Variants in FBXL4 observed in about 807,000 individuals in gnomAD.
FBXL4 encodes F-box and leucine rich repeat protein 4, also known as F-box/LRR-repeat protein 4.
In FBXL4, 40 loss-of-function variants were observed where a neutral mutation model predicts 58.9. That is an observed-to-expected ratio of 0.68 (90% CI 0.53 to 0.88). The LOEUF (loss-of-function observed/expected upper bound fraction) is 0.88, where lower values mean the gene tolerates loss of function less well. Among genes scored for constraint, FBXL4 ranks in the 40% least tolerant of loss-of-function variants. FBXL4 has a pLI of 0.00. For missense variants in FBXL4, 676 were observed against 734.4 expected (o/e 0.92, Z 0.92); for synonymous variants, 263 against 265.5 (o/e 0.99, Z 0.09).
chr6:98,939,124 A>AGACAGGAG (rs1773336270), intron 1 of FBXL4, among the ~76,000 whole-genome samples: 1 of 151,346 alleles, frequency 6.6e-6, no homozygotes, highest in Admixed American at 6.6e-5. Flanking sequence ...GGAAAAGACA[A>AGACAGGAG]GACAGGAGGG....
intron 1 of FBXL4, among the ~76,000 whole-genome samples, chr6:98,943,955 T>C (rs1477629596): frequency 2.0e-5 from 3 of 152,222 alleles, no homozygotes; most frequent in Non-Finnish European, 4.4e-5. Context: ...TAACATACTT[T>C]GCTTACTAAT....
chr6:98,901,259 C>T (rs192850012), intron 6 of FBXL4, among the ~76,000 whole-genome samples: 1 of 151,942 alleles, frequency 6.6e-6, no homozygotes, highest in African/African-American at 2.4e-5. Context: ...CTGAAGGAAG[C>T]GAGAGGGTGA....
chr6:98,873,338 T>C lies in FBXL4; in HGVS notation c.*940A>G, dbSNP rs548981250. 7.4e-5 allele frequency: 11 copies of C among 147,962 alleles called. No individual in the cohort carries two copies. The South Asian group carries it at 2.3e-3, about 31-fold the overall frequency. The allele number at this position is 147,962 out of a possible 1,614,324, so 9.2% of individuals were successfully genotyped here. The stretch of plus-strand genomic sequence containing the variant: ...AAATCATAAATGTGGATATATATTA[T>C]CTATAATATGTATATATAATGTGTA... On this transcript the variant is annotated 3_prime_UTR_variant, in exon 10 of 10. Transcript: ENST00000369244.
At chr6:98,910,828 A>G (rs1470027595) in intron 5 of FBXL4, among the ~76,000 whole-genome samples, 2 of 152,180 alleles carry the variant, frequency 1.3e-5, no homozygotes, top group Non-Finnish European at 2.9e-5. Context: ...TAGTGGGCGC[A>G]GGACAGTGGG....
At position 98,899,462 on chromosome 6, in the gene FBXL4, AT is replaced by A; in HGVS notation, c.1122del (p.Ser375ProfsTer3). On this transcript the variant is annotated frameshift_variant, in exon 7 of 10. Transcript: ENST00000369244. LOFTEE classifies it high-confidence loss of function. ...AGFSRFLKVC[G>X]SELVRLELSC... ...GACAATTCAAGGCGTACTAATTCGGATCCACAAACCTTCAGAAACCTGCCAA... is the reference window on the plus strand; with the variant it reads ...GACAATTCAAGGCGTACTAATTCGGACCACAAACCTTCAGAAACCTGCCAA... The A allele has an allele frequency of 1.2e-6, 2 of 1,613,458 alleles. No homozygotes were observed. The highest frequency in any genetic ancestry group is 1.7e-6 in the Non-Finnish European group (2 of 1,179,612).
chr6:98,899,503 T>G (rs373797573), intron 6 of FBXL4, 22 bp from the exon 7 acceptor site: 1 of 1,600,156 alleles, frequency 6.2e-7, no homozygotes, highest in African/African-American at 1.3e-5. Flanking sequence ...ACATTCTATG[T>G]GAATTTTATA....
At chr6:98,922,501 A>G (rs1772621876) in intron 4 of FBXL4, among the ~76,000 whole-genome samples, 1 of 152,216 alleles carries the variant, frequency 6.6e-6, no homozygotes, top group African/African-American at 2.4e-5. Flanking sequence ...GGGTTCCCAA[A>G]CAGTAGTACA....
At chr6:98,891,648 G>T (rs1289665582) in intron 7 of FBXL4, among the ~76,000 whole-genome samples, 3 of 150,946 alleles carry the variant, frequency 2.0e-5, no homozygotes, top group African/African-American at 7.3e-5. Context: ...GCACTTGAAG[G>T]CTGAGGCAGG....
At chr6:98,927,173 A>C in intron 3 of FBXL4, 113 bp from the exon 4 acceptor site, 1 of 536,348 alleles carries the variant, frequency 1.9e-6, no homozygotes, top group Non-Finnish European at 3.2e-6. Flanking sequence ...ATGAAACTAA[A>C]AAAACAAGTT....
intron 2 of FBXL4, among the ~76,000 whole-genome samples, chr6:98,930,182 G>A (rs1459355580): frequency 6.6e-6 from 1 of 152,164 alleles, no homozygotes; most frequent in East Asian, 1.9e-4. Context: ...ACCAAATGGA[G>A]GGATTTGCAG....
At chr6:98,928,919 TCAGTAG>T (rs775767962) in intron 2 of FBXL4, among the ~76,000 whole-genome samples, 49 of 152,168 alleles carry the variant, frequency 3.2e-4, no homozygotes, top group Non-Finnish European at 5.1e-4. Context: ...TTTTTCCACA[TCAGTAG>T]CCTTACTTTC....
intron 7 of FBXL4, among the ~76,000 whole-genome samples, chr6:98,894,994 T>C (rs535300258): frequency 6.6e-6 from 1 of 152,316 alleles, no homozygotes; most frequent in South Asian, 2.1e-4. Context: ...TCTATTCTCC[T>C]GAGGTCTCAT....
intron 8 of FBXL4, among the ~76,000 whole-genome samples, chr6:98,879,653 C>T (rs879391985): frequency 1.3e-5 from 2 of 151,960 alleles, no homozygotes; most frequent in Non-Finnish European, 2.9e-5. Context: ...GAGGCCGAGG[C>T]GGGCGGATCA....
intron 5 of FBXL4, among the ~76,000 whole-genome samples, chr6:98,912,550 C>T (rs1360059156): frequency 1.3e-5 from 2 of 152,006 alleles, no homozygotes; most frequent in Non-Finnish European, 2.9e-5. Flanking sequence ...TAATTTTCAA[C>T]CCAAAATTTT....
chr6:98,917,227 A>T, intron 5 of FBXL4, 147 bp downstream of exon 5: 1 of 507,138 alleles, frequency 2.0e-6, no homozygotes, highest in Non-Finnish European at 3.2e-6. Context: ...GATTTTGTCT[A>T]GTTTTTCCAA....
Position 98,917,354 on chromosome 6 carries a change from G to A in FBXL4, c.858+20C>T, listed in dbSNP as rs1772398860. ...CTATAGTGTTATATCCAATACTGCT[G>A]CTAAATATTTTTGGCTTACCTCATA... On this transcript the variant is annotated intron_variant, in intron 5 of 9. Coordinates refer to ENST00000369244, the MANE Select transcript of FBXL4 (RefSeq NM_001278716.2). 1 of 1,532,178 alleles carries A rather than the reference G, an allele frequency of 6.5e-7. No individual in the cohort carries two copies. The highest frequency in any genetic ancestry group is 1.9e-5 in the Admixed American group (1 of 54,014). The allele number at this position is 1,532,178 out of a possible 1,614,324, so 94.9% of individuals were successfully genotyped here.
intron 7 of FBXL4, among the ~76,000 whole-genome samples, chr6:98,888,726 A>C (rs928600855): frequency 1.3e-5 from 2 of 152,218 alleles, no homozygotes; most frequent in Admixed American, 6.5e-5. Flanking sequence ...TTTTCAAACA[A>C]AGGGCAACCT....
At chr6:98,925,538 A>G (rs1258102222) in intron 4 of FBXL4, among the ~76,000 whole-genome samples, 1 of 152,360 alleles carries the variant, frequency 6.6e-6, no homozygotes, top group East Asian at 1.9e-4. Flanking sequence ...CATTCCCTGC[A>G]TTAATGTTTA....
chr6:98,912,798 A>C (rs879455676), intron 5 of FBXL4, among the ~76,000 whole-genome samples: 51 of 152,154 alleles, frequency 3.4e-4, no homozygotes, highest in Non-Finnish European at 4.6e-4. Flanking sequence ...CTAACATCAT[A>C]ATGACAGGAT....
Sources: allele counts gnomAD v4.1 joint callset (sites outside exome capture counted in the v4.1 genomes callset), GRCh38; gene constraint gnomAD v4.1.1; transcripts MANE v1.5; gene names NCBI Gene and HGNC (gene_info 2026-07-23, HGNC 2026-07-21).